PTPRZ1: variants seen among roughly 807,000 people sequenced by gnomAD.
PTPRZ1 encodes the protein receptor-type tyrosine-protein phosphatase zeta.
A neutral mutation model predicts 214.1 loss-of-function variants in PTPRZ1; 82 were observed. That is an observed-to-expected ratio of 0.38 (90% CI 0.32 to 0.46). The LOEUF (loss-of-function observed/expected upper bound fraction) is 0.46. PTPRZ1 is among the 20% of genes least tolerant of loss of function. The pLI, the probability that PTPRZ1 is intolerant of heterozygous loss-of-function variation, is 1.00. For synonymous variants in PTPRZ1, 945 were observed against 987.9 expected, an observed-to-expected ratio of 0.96 and a Z score of 0.81; for missense variants, 2,603 against 2,748.7, an observed-to-expected ratio of 0.95 and a Z score of 1.19.
intron 1 of PTPRZ1, among the ~76,000 whole-genome samples, chr7:121,873,809 A>G (rs1793963923): frequency 6.6e-6 from 1 of 152,062 alleles, no homozygotes; most frequent in Non-Finnish European, 1.5e-5. Flanking sequence ...GGGCCCCAGG[A>G]GACGGAGCTA....
intron 4 of PTPRZ1, among the ~76,000 whole-genome samples, chr7:121,975,745 T>C (rs1206715023): frequency 6.6e-6 from 1 of 151,768 alleles, no homozygotes; most frequent in Admixed American, 6.6e-5. Context: ...CTTAAAACTC[T>C]TTTGGTATTT....
intron 11 of PTPRZ1, among the ~76,000 whole-genome samples, chr7:122,008,049 G>A (rs185120232): frequency 9.2e-5 from 14 of 152,044 alleles, no homozygotes; most frequent in Admixed American, 8.5e-4. Context: ...TATCTGATGT[G>A]TGCATAGTTT....
chr7:122,037,863 G>A (rs1799597214), intron 18 of PTPRZ1, among the ~76,000 whole-genome samples: 1 of 152,124 alleles, frequency 6.6e-6, no homozygotes, highest in African/African-American at 2.4e-5. Context: ...GAAAGATTAA[G>A]GTTCACGTTC....
Position 122,042,660 on chromosome 7 carries a change from C to A in PTPRZ1, c.5854C>A (p.Gln1952Lys). Residue 1952 changes from glutamine (Q) to lysine (K), a missense_variant, in exon 22 of 30, where the codon CAG becomes AAG. By Grantham distance (53) the Gln-to-Lys change is moderately conservative. This residue lies in a region of PTPRZ1 where 1,913 missense variants were observed against 1,914.3 expected (regional missense o/e 1.00). Transcript: ENST00000393386. The part of the protein sequence containing the change: ...TYIVLDSMLQ[Q>K]IQHEGTVNIF... ...TATTGTGCTAGACAGTATGTTGCAG[C>A]AGATTCAACACGAAGGAACTGTCAA... The A allele has an allele frequency of 1.2e-6, 2 of 1,613,770 alleles. No homozygotes were observed. Among genetic ancestry groups the A allele is most frequent in the Non-Finnish European group, 1.7e-6 (2 of 1,179,716 alleles).
intron 15 of PTPRZ1, 128 bp downstream of exon 15, chr7:122,031,687 A>G (rs1476870940): frequency 3.4e-6 from 2 of 588,542 alleles, no homozygotes; most frequent in South Asian, 2.6e-5. Flanking sequence ...TATGAGTTCC[A>G]TAATTACATA....
At chr7:122,059,387 A>G (rs1018901535) in intron 28 of PTPRZ1, 5 of 163,980 alleles carry the variant, frequency 3.0e-5, no homozygotes, top group Non-Finnish European at 5.2e-5. Flanking sequence ...AACTTATGTT[A>G]TAAATATATA....
intron 10 of PTPRZ1, among the ~76,000 whole-genome samples, chr7:122,003,785 T>A (rs773448168): frequency 2.0e-5 from 3 of 152,168 alleles, no homozygotes; most frequent in Non-Finnish European, 4.4e-5. Flanking sequence ...CTCTGGCCGC[T>A]CAGTAACGTG....
rs758510095 is a variant in PTPRZ1 at position 121,928,200 on chromosome 7, G to A, written c.103G>A (p.Glu35Lys). ...CAGACAACAGAGAAAACTTGTTGAA[G>A]AGATTGGCTGGTCCTATACAGGTAA... is the stretch of plus-strand genomic sequence containing the variant. ...YYRQQRKLVE[E>K]IGWSYTGALN... The change falls in exon 2 of 30, where the codon GAG (glutamate) becomes AAG (lysine). Residue 35 changes from glutamate to lysine, a missense_variant. Glu to Lys is a moderately conservative substitution (Grantham distance 56). Coordinates refer to ENST00000393386, the MANE Select transcript of PTPRZ1 (RefSeq NM_002851.3). The A allele has an allele frequency of 6.2e-7, 1 of 1,612,292 alleles. No individual in the cohort carries two copies. Among genetic ancestry groups the A allele is most frequent in the Non-Finnish European group, 8.5e-7 (1 of 1,178,598 alleles).
At chr7:121,980,179 C>G (rs1797562131) in intron 6 of PTPRZ1, among the ~76,000 whole-genome samples, 1 of 152,154 alleles carries the variant, frequency 6.6e-6, no homozygotes, top group Non-Finnish European at 1.5e-5. Context: ...CTCCTGGGGT[C>G]AATTCATTTC....
intron 4 of PTPRZ1, 79 bp downstream of exon 4, chr7:121,972,771 T>G (rs1171358128): frequency 3.5e-6 from 4 of 1,147,204 alleles, no homozygotes; most frequent in East Asian, 5.7e-5. Flanking sequence ...TTTGATTAAT[T>G]TTAAAATCCA....
chr7:121,961,253 A>G (rs997197068), intron 2 of PTPRZ1, among the ~76,000 whole-genome samples: 2 of 152,128 alleles, frequency 1.3e-5, no homozygotes, highest in African/African-American at 4.8e-5. Flanking sequence ...CCCCAGGCAC[A>G]TGGATCATAA....
chr7:121,899,932 C>T (rs1236806207), intron 1 of PTPRZ1, among the ~76,000 whole-genome samples: 1 of 152,164 alleles, frequency 6.6e-6, no homozygotes, highest in Non-Finnish European at 1.5e-5. Flanking sequence ...TTTCCAGTGG[C>T]TAAACCTAGG....
intron 2 of PTPRZ1, among the ~76,000 whole-genome samples, chr7:121,942,109 A>G (rs1796254182): frequency 6.6e-6 from 1 of 152,188 alleles, no homozygotes; most frequent in Non-Finnish European, 1.5e-5. Flanking sequence ...CATTTTTTAC[A>G]TCATTTACCA....
intron 1 of PTPRZ1, among the ~76,000 whole-genome samples, chr7:121,925,831 G>GA (rs1795740214): frequency 6.6e-6 from 1 of 151,948 alleles, no homozygotes; most frequent in Non-Finnish European, 1.5e-5. Flanking sequence ...TTACAACTTG[G>GA]AGCAAGGTGC....
rs867860430 is a variant in PTPRZ1, at chr7:122,023,683, T to A, written c.4988+4415T>A. 1.6e-3 allele frequency among the ~76,000 whole-genome samples: 135 copies of A among 85,658 alleles called. 2 individuals are homozygous for A. The highest frequency in any genetic ancestry group is 0.011 in the East Asian group (43 of 3,774). The allele number at this position is 85,658 out of a possible 152,430, so 56.2% of individuals were successfully genotyped here. On this transcript the variant is annotated intron_variant, in intron 13 of 29. Coordinates refer to ENST00000393386, the MANE Select transcript of PTPRZ1 (RefSeq NM_002851.3). ...TATATGTATAATTTTATATATAATT[T>A]TATATATTATATGTATAATTTTATA...
chr7:122,017,690 T>C (rs1798886306), intron 12 of PTPRZ1, among the ~76,000 whole-genome samples: 2 of 151,982 alleles, frequency 1.3e-5, no homozygotes, highest in Non-Finnish European at 2.9e-5. Context: ...GCTTCCCAAG[T>C]AGCTGGGATT....
In PTPRZ1 at chr7:121,984,104, G is replaced by A. The variant is rs1208842292; in HGVS notation, c.915G>A (p.Glu305=). The A allele has an allele frequency of 6.2e-7, 1 of 1,612,508 alleles. No homozygotes were observed. Among genetic ancestry groups the A allele is most frequent in the Non-Finnish European group, 8.5e-7 (1 of 1,179,174 alleles). Residue 305 remains glutamate, a synonymous_variant, in exon 8 of 30, where the codon GAG becomes GAA. Transcript: ENST00000393386. Reference sequence around the variant, plus strand: ...TTTCCTCATACACTGGAAAGGAAGAGATTCATGAAGCAGGTATGTATTTAA... The same window carrying A: ...TTTCCTCATACACTGGAAAGGAAGAAATTCATGAAGCAGGTATGTATTTAA... ...QVFSSYTGKE[E]IHEAVCSSEP...
chr7:121,994,689 C>G (rs559397987), intron 8 of PTPRZ1, among the ~76,000 whole-genome samples: 2 of 152,118 alleles, frequency 1.3e-5, no homozygotes, highest in Non-Finnish European at 2.9e-5. Flanking sequence ...GAGCTTGTTG[C>G]TCCAATGATA....
chr7:121,960,545 A>T (rs1563038291), intron 2 of PTPRZ1, among the ~76,000 whole-genome samples: 1 of 152,140 alleles, frequency 6.6e-6, no homozygotes, highest in Non-Finnish European at 1.5e-5. Flanking sequence ...ATATCTATTA[A>T]TTTTCAGTGG....
Sources: allele counts gnomAD v4.1 joint callset (sites outside exome capture counted in the v4.1 genomes callset), GRCh38; gene constraint gnomAD v4.1.1; regional missense constraint gnomAD v4.1.1; transcripts MANE v1.5; gene names NCBI Gene and HGNC (gene_info 2026-07-23, HGNC 2026-07-21).